The following ABTB2 variants were observed in gnomAD, a reference collection of about 807,000 sequenced individuals.
The protein encoded by ABTB2 is ankyrin repeat and BTB domain containing 2.
Under a neutral mutation model 104.1 loss-of-function variants are expected in ABTB2, and 56 were observed. That is an observed-to-expected ratio of 0.54 (90% CI 0.43 to 0.67). The LOEUF (loss-of-function observed/expected upper bound fraction) is 0.67, where lower values mean the gene tolerates loss of function less well. Among genes scored for constraint, ABTB2 ranks in the 30% least tolerant of loss-of-function variants. ABTB2 has a pLI of 0.00. For synonymous variants in ABTB2, 606 were observed against 608.2 expected (o/e 1.00, Z 0.05); for missense variants, 1,279 against 1,407.7 (o/e 0.91, Z 1.46).
At chr11:34,297,098 G>C (rs1460859259) in intron 1 of ABTB2, among the ~76,000 whole-genome samples, 2 of 152,122 alleles carry the variant, frequency 1.3e-5, no homozygotes, top group African/African-American at 4.8e-5. Context: ...CATTTTAAAA[G>C]TATTTCACAA....
rs144739188 is a variant in ABTB2 at position 34,308,237 on chromosome 11, G to T, written c.883+48464C>A. 3.9e-5 allele frequency among the ~76,000 whole-genome samples: 6 copies of T among 152,284 alleles called. No individual in the cohort carries two copies. The East Asian group carries it at 9.6e-4, about 24-fold the overall frequency. ...TGGATGTTTGTGATTATTAGTCATTGCTACTATATGTAAATTTCCAGCCCA... is the reference window on the plus strand; with the variant it reads ...TGGATGTTTGTGATTATTAGTCATTTCTACTATATGTAAATTTCCAGCCCA... On this transcript the variant is annotated intron_variant, in intron 1 of 16. Coordinates refer to ENST00000435224, the MANE Select transcript of ABTB2 (RefSeq NM_145804.3).
At chr11:34,347,127 C>T (rs1390777128) in intron 1 of ABTB2, among the ~76,000 whole-genome samples, 1 of 152,160 alleles carries the variant, frequency 6.6e-6, no homozygotes, top group Non-Finnish European at 1.5e-5. Context: ...TGACTCTCCT[C>T]AGCTTACTTT....
At chr11:34,181,725 C>T (rs559356532) in intron 3 of ABTB2, among the ~76,000 whole-genome samples, 16 of 152,304 alleles carry the variant, frequency 1.1e-4, no homozygotes, top group African/African-American at 3.8e-4. Context: ...CACTGTGCCA[C>T]AGGCTTGCTT....
chr11:34,306,236 A>ATTTTTTTTTTTTTTTTTT (rs34872949), intron 1 of ABTB2, among the ~76,000 whole-genome samples: 1 of 71,960 alleles, frequency 1.4e-5, no homozygotes, highest in Non-Finnish European at 2.6e-5. Context: ...GGAAAGTTTG[A>ATTTTTTTTTTTTTTTTTT]TTTTTTTTTT....
intron 1 of ABTB2, among the ~76,000 whole-genome samples, chr11:34,278,682 C>T (rs1355886705): frequency 6.6e-6 from 1 of 152,214 alleles, no homozygotes; most frequent in East Asian, 1.9e-4. Flanking sequence ...CAGTCCCCTG[C>T]AGGGCCTGTG....
intron 3 of ABTB2, among the ~76,000 whole-genome samples, chr11:34,180,395 G>A (rs1164286000): frequency 6.6e-6 from 1 of 152,214 alleles, no homozygotes; most frequent in Non-Finnish European, 1.5e-5. Context: ...GAGGGTGGGT[G>A]AGCAGAGAAT....
At chr11:34,238,122 A>G (rs1853868993) in intron 1 of ABTB2, among the ~76,000 whole-genome samples, 1 of 152,160 alleles carries the variant, frequency 6.6e-6, no homozygotes, top group African/African-American at 2.4e-5. Context: ...ATTATCTCCC[A>G]TACTCCCAGC....
chr11:34,306,236 A>ATTTTTTT (rs34872949), intron 1 of ABTB2, among the ~76,000 whole-genome samples: 20 of 71,962 alleles, frequency 2.8e-4, no homozygotes, highest in East Asian at 1.5e-3. Context: ...GGAAAGTTTG[A>ATTTTTTT]TTTTTTTTTT....
chr11:34,238,422 T>C (rs1853872207), intron 1 of ABTB2, among the ~76,000 whole-genome samples: 1 of 152,250 alleles, frequency 6.6e-6, no homozygotes, highest in South Asian at 2.1e-4. Flanking sequence ...GTAATCTCCA[T>C]GAGGGCAGGG....
rs1242205197 is a variant in ABTB2, at chr11:34,252,793, A to C, written c.884-48103T>G. Among the ~76,000 whole-genome samples, 1 of 151,774 alleles carries C rather than the reference A, an allele frequency of 6.6e-6. No homozygotes were observed. The highest frequency in any genetic ancestry group is 2.4e-5 in the African/African-American group (1 of 41,290). ...CCTCCCTAACCTAGTACCAGGGCCA[A>C]CTGGACTCCCAGCTGGGCCAGAGGA... On this transcript the variant is annotated intron_variant, in intron 1 of 16. Coordinates refer to ENST00000435224, the MANE Select transcript of ABTB2 (RefSeq NM_145804.3). This position sits in a 1 kb window ranked among gnomAD's most constrained non-coding sequence, Gnocchi z 5.5.
rs1405278932 is a variant in ABTB2, at chr11:34,173,325, G to C, written c.1245-18C>G. The stretch of plus-strand genomic sequence containing the variant: ...TGAAGGGCCTGTGGGGCAGCAGAGA[G>C]AGGGTCAGGCCTGGGGTGGGGTCCC... On this transcript the variant is annotated intron_variant, in intron 3 of 16. Coordinates refer to ENST00000435224, the MANE Select transcript of ABTB2 (RefSeq NM_145804.3). The C allele has an allele frequency of 1.3e-6, 2 of 1,573,614 alleles. No homozygotes were observed. Among genetic ancestry groups the C allele is most frequent in the African/African-American group, 2.7e-5 (2 of 74,386 alleles).
At chr11:34,195,080 G>GGC (rs1554982328) in intron 3 of ABTB2, among the ~76,000 whole-genome samples, 1 of 101,102 alleles carries the variant, frequency 9.9e-6, no homozygotes, top group South Asian at 4.7e-4. Flanking sequence ...CCCGGCGGGG[G>GGC]GGGGGAGTGG....
chr11:34,256,215 T>C (rs1051487019), intron 1 of ABTB2, among the ~76,000 whole-genome samples: 1 of 151,900 alleles, frequency 6.6e-6, no homozygotes, highest in Non-Finnish European at 1.5e-5. Context: ...CGAGGAACAG[T>C]CAGATGGAAA....
At chr11:34,270,302 G>A (rs1854298284) in intron 1 of ABTB2, among the ~76,000 whole-genome samples, 1 of 151,076 alleles carries the variant, frequency 6.6e-6, no homozygotes, top group South Asian at 2.1e-4. Flanking sequence ...ACGTATCTTT[G>A]AAAACATCTA....
intron 1 of ABTB2, among the ~76,000 whole-genome samples, chr11:34,212,152 G>A (rs891931095): frequency 6.6e-6 from 1 of 151,700 alleles, no homozygotes; most frequent in African/African-American, 2.4e-5. Context: ...CTCCTCCCAG[G>A]TTCAAGCAAT....
At chr11:34,214,417 G>A (rs1277613355) in intron 1 of ABTB2, among the ~76,000 whole-genome samples, 1 of 151,834 alleles carries the variant, frequency 6.6e-6, no homozygotes. Context: ...GGCAGAGGAG[G>A]GTGACAAAAT....
intron 1 of ABTB2, 126 bp from the exon 2 acceptor site, chr11:34,204,816 A>G: frequency 9.0e-7 from 1 of 1,108,000 alleles, no homozygotes; most frequent in Non-Finnish European, 1.3e-6. Flanking sequence ...CAGGAGGTAA[A>G]ATCTCTCTGA....
chr11:34,266,001 C>A (rs1449380925), intron 1 of ABTB2, among the ~76,000 whole-genome samples: 1 of 151,514 alleles, frequency 6.6e-6, no homozygotes, highest in Non-Finnish European at 1.5e-5. Flanking sequence ...TCAGAAACTC[C>A]AAGCAGATCT....
rs780770698 is a variant in ABTB2 at position 34,357,402 on chromosome 11, A to G, written c.182T>C (p.Met61Thr). Residue 61 changes from methionine to threonine, a missense_variant, in exon 1 of 17, where the codon ATG becomes ACG. Met to Thr is a moderately conservative substitution (Grantham distance 81). Coordinates refer to ENST00000435224, the MANE Select transcript of ABTB2 (RefSeq NM_145804.3). ...GAAWWCYSGSMNSRHNSWDTV... is the reference protein window; with the variant it reads ...GAAWWCYSGSTNSRHNSWDTV... ...GTCCCAGCTGTTGTGGCGGCTGTTC[A>G]TGGAGCCGGAGTAGCACCACCAGGC... 1.0e-5 allele frequency: 16 copies of G among 1,546,230 alleles called. No homozygotes were observed. The highest frequency in any genetic ancestry group is 9.6e-6 in the Non-Finnish European group (11 of 1,144,400).
Sources: gnomAD v4.1 joint callset for allele counts (sites outside exome capture counted in the v4.1 genomes callset) on GRCh38, gnomAD v4.1.1 for gene constraint, Gnocchi (gnomAD v3.1) non-coding constraint, MANE v1.5 for transcripts, NCBI Gene and HGNC (gene_info 2026-07-23, HGNC 2026-07-21) for gene names.